TMEM108: variants seen among roughly 807,000 people sequenced by gnomAD.
The protein encoded by TMEM108 is cancer/testis antigen 124.
In TMEM108, 12 loss-of-function variants were observed where a neutral mutation model predicts 35.1. The ratio of observed to expected loss-of-function variants is 0.34; its 90% CI spans 0.22 to 0.55. The LOEUF is 0.55. Ranked by LOEUF, TMEM108 falls within the 20% of genes least tolerant of loss-of-function variation. The pLI is 0.89. For synonymous variants in TMEM108, 287 were observed against 308.6 expected (o/e 0.93, Z 0.73); for missense variants, 680 against 753.3 (o/e 0.90, Z 1.14).
intron 3 of TMEM108, among the ~76,000 whole-genome samples, chr3:133,369,630 A>G (rs866336477): frequency 6.6e-6 from 1 of 152,246 alleles, no homozygotes; most frequent in African/African-American, 2.4e-5. Flanking sequence ...CAGGAAATAT[A>G]GACAGATAAA....
At chr3:133,122,753 C>T (rs1224981869) in intron 2 of TMEM108, among the ~76,000 whole-genome samples, 2 of 151,542 alleles carry the variant, frequency 1.3e-5, no homozygotes, top group Admixed American at 6.6e-5. Flanking sequence ...GTCCCAGCTA[C>T]TCGGGAGGCT....
intron 2 of TMEM108, among the ~76,000 whole-genome samples, chr3:133,165,891 T>C (rs1314877324): frequency 1.3e-5 from 2 of 152,214 alleles, no homozygotes; most frequent in Admixed American, 1.3e-4. Context: ...CATTTAAATA[T>C]ATTACAATTA....
chr3:133,324,653 C>T (rs1444768518), intron 3 of TMEM108, among the ~76,000 whole-genome samples: 2 of 152,184 alleles, frequency 1.3e-5, no homozygotes, highest in Non-Finnish European at 2.9e-5. Context: ...TTTGATCCAG[C>T]AATCTCACTA....
chr3:133,154,244 G>T lies in TMEM108; in HGVS notation c.-46-75022G>T, dbSNP rs372508842. Among the ~76,000 whole-genome samples the T allele has an allele frequency of 7.9e-5, 12 of 151,992 alleles. No individual in the cohort carries two copies. The East Asian group carries it at 2.3e-3, about 29-fold the overall frequency. ...TTTTCTCCCATTCTGTAGGTTGCCT[G>T]TTCACTCTGATGGTGGTTTCTTTTG... On this transcript the variant is annotated intron_variant, in intron 2 of 5. Transcript: ENST00000321871.
rs748460583 is a variant in TMEM108 at position 133,390,385 on chromosome 3, A to G, written c.1605+51A>G. 9 of 1,602,590 alleles carry G rather than the reference A, an allele frequency of 5.6e-6. No individual in the cohort carries two copies. In the East Asian group the frequency reaches 6.7e-5, roughly 12 times the overall value. ...CACTGCAGGGAAACCAGGTCCAAAG[A>G]GAGCCATGGGGCATCTGCTCATTTC... On this transcript the variant is annotated intron_variant, in intron 5 of 5. Transcript: ENST00000321871.
chr3:133,079,437 A>G (rs1050819389), intron 2 of TMEM108, among the ~76,000 whole-genome samples: 2 of 152,180 alleles, frequency 1.3e-5, no homozygotes, highest in African/African-American at 4.8e-5. Flanking sequence ...ACAGTTGTGT[A>G]GGCTGGAAGT....
Position 133,244,116 on chromosome 3 carries a change from G to T in TMEM108, c.40+14765G>T, listed in dbSNP as rs192496876. On this transcript the variant is annotated intron_variant, in intron 3 of 5. Transcript: ENST00000321871. ...TATAATCTCGGATCTCTCAGTCATT[G>T]GTTAAGGGCACTGAAGATGTGCCAA... Among the ~76,000 whole-genome samples the T allele has an allele frequency of 3.7e-3, 565 of 152,250 alleles. 4 individuals are homozygous for T. The highest frequency in any genetic ancestry group is 0.013 in the African/African-American group (545 of 41,566).
chr3:133,220,390 C>T (rs1945973016), intron 2 of TMEM108, among the ~76,000 whole-genome samples: 2 of 152,074 alleles, frequency 1.3e-5, no homozygotes, highest in Non-Finnish European at 2.9e-5. Flanking sequence ...GATCCTCCTG[C>T]CTCAGCCTCC....
intron 5 of TMEM108, among the ~76,000 whole-genome samples, chr3:133,394,546 C>A (rs1426023100): frequency 6.6e-6 from 1 of 152,200 alleles, no homozygotes; most frequent in African/African-American, 2.4e-5. Flanking sequence ...CAAAACATAC[C>A]CACATGGTTT....
chr3:133,327,310 C>G lies in TMEM108; in HGVS notation c.41-52442C>G, dbSNP rs564606444. On this transcript the variant is annotated intron_variant, in intron 3 of 5. Coordinates refer to ENST00000321871, the MANE Select transcript of TMEM108 (RefSeq NM_023943.4). The stretch of plus-strand genomic sequence containing the variant: ...ACATTTTTTGACCATATTAAAGTTT[C>G]TTTGTGGTTAATTCAGGTCCCTGGC... Among the ~76,000 whole-genome samples, 47 of 152,284 alleles carry G rather than the reference C, an allele frequency of 3.1e-4. No individual in the cohort carries two copies. The South Asian group carries it at 7.1e-3, about 23-fold the overall frequency.
chr3:133,130,073 T>C (rs1294153494), intron 2 of TMEM108, among the ~76,000 whole-genome samples: 1 of 152,176 alleles, frequency 6.6e-6, no homozygotes, highest in South Asian at 2.1e-4. Flanking sequence ...AAAAGGTGTG[T>C]GAATCTTAAG....
intron 2 of TMEM108, among the ~76,000 whole-genome samples, chr3:133,126,068 A>G (rs377337164): frequency 1.3e-5 from 2 of 152,258 alleles, no homozygotes; most frequent in East Asian, 1.9e-4. Context: ...CTGGGAGAGT[A>G]TAATCTAATA....
At chr3:133,120,372 G>C (rs1189589485) in intron 2 of TMEM108, among the ~76,000 whole-genome samples, 2 of 152,218 alleles carry the variant, frequency 1.3e-5, no homozygotes, top group Non-Finnish European at 2.9e-5. Flanking sequence ...CTAGAGGTCA[G>C]AGGAAGTGTG....
At chr3:133,086,943 A>G (rs554072702) in intron 2 of TMEM108, among the ~76,000 whole-genome samples, 1 of 152,342 alleles carries the variant, frequency 6.6e-6, no homozygotes, top group African/African-American at 2.4e-5. Flanking sequence ...TGATTCAGAA[A>G]AATGCAGATG....
At chr3:133,334,121 A>G (rs1247938960) in intron 3 of TMEM108, among the ~76,000 whole-genome samples, 2 of 152,150 alleles carry the variant, frequency 1.3e-5, no homozygotes, top group East Asian at 3.8e-4. Flanking sequence ...CCTGGGGAAA[A>G]AAAAAGAAAA....
chr3:133,169,464 C>T (rs947894508), intron 2 of TMEM108, among the ~76,000 whole-genome samples: 1 of 152,168 alleles, frequency 6.6e-6, no homozygotes, highest in Admixed American at 6.5e-5. Flanking sequence ...AGTGTCTGGA[C>T]TATGCGGTGG....
intron 3 of TMEM108, among the ~76,000 whole-genome samples, chr3:133,242,692 A>G (rs1400528785): frequency 5.3e-5 from 8 of 152,176 alleles, no homozygotes; most frequent in African/African-American, 1.9e-4. Context: ...TAGATGCATG[A>G]TTGTTCCGTG....
At chr3:133,309,694 T>C (rs992068127) in intron 3 of TMEM108, among the ~76,000 whole-genome samples, 2 of 80,892 alleles carry the variant, frequency 2.5e-5, no homozygotes, top group African/African-American at 8.2e-5. Flanking sequence ...TTTTTTTTTT[T>C]TTTTTTTTTT....
intron 3 of TMEM108, among the ~76,000 whole-genome samples, chr3:133,361,230 G>T (rs2072339393): frequency 6.6e-6 from 1 of 152,224 alleles, no homozygotes; most frequent in African/African-American, 2.4e-5. Flanking sequence ...TGTAGCACAT[G>T]CATTAGAGTG....
Sources: allele counts gnomAD v4.1 joint callset (sites outside exome capture counted in the v4.1 genomes callset), GRCh38; gene constraint gnomAD v4.1.1; transcripts MANE v1.5; gene names NCBI Gene and HGNC (gene_info 2026-07-23, HGNC 2026-07-21).